RICTOR: variants seen among roughly 807,000 people sequenced by gnomAD.
The protein encoded by RICTOR is RPTOR independent companion of MTOR complex 2, also known as rapamycin-insensitive companion of mTOR.
A neutral mutation model predicts 214.9 loss-of-function variants in RICTOR; 49 were observed. That is an observed-to-expected ratio of 0.23 (90% CI 0.18 to 0.29). The LOEUF (loss-of-function observed/expected upper bound fraction) is 0.29, where lower values mean the gene tolerates loss of function less well. RICTOR is among the 10% of genes least tolerant of loss of function. The pLI is 1.00. For missense variants in RICTOR, 1,625 were observed against 2,047.0 expected (o/e 0.79, Z 3.98); for synonymous variants, 717 against 711.3 (o/e 1.01, Z -0.13).
intron 37 of RICTOR, 38 bp downstream of exon 37, chr5:38,942,795 C>T: frequency 6.8e-7 from 1 of 1,477,828 alleles, no homozygotes; most frequent in Non-Finnish European, 9.5e-7. Flanking sequence ...CAGAATTATT[C>T]TTGGAAGATA....
At chr5:39,029,305 C>T (rs138845453) in intron 2 of RICTOR, among the ~76,000 whole-genome samples, 294 of 152,074 alleles carry the variant, frequency 1.9e-3, no homozygotes, top group Middle Eastern at 0.01. Context: ...TACAAAGATA[C>T]ATAATACATA....
intron 35 of RICTOR, 64 bp from the exon 36 acceptor site, chr5:38,944,633 GAAATTTATTTTTA>G: frequency 2.2e-6 from 3 of 1,386,254 alleles, no homozygotes; most frequent in African/African-American, 1.5e-5. Context: ...TAAAACTCAT[GAAATTTATTTTTA>G]AACTTCACCT....
At chr5:38,943,808 G>A (rs181998516) in intron 36 of RICTOR, among the ~76,000 whole-genome samples, 181 of 152,122 alleles carry the variant, frequency 1.2e-3, no homozygotes, top group African/African-American at 4.1e-3. Context: ...GCAAGACTCC[G>A]TCTCAAAAAA....
intron 20 of RICTOR, 140 bp from the exon 21 acceptor site, chr5:38,960,118 T>C (rs1749664021): frequency 1.5e-6 from 1 of 687,218 alleles, no homozygotes; most frequent in Non-Finnish European, 2.6e-6. Context: ...TACCTGTTGT[T>C]TTCTAATCCA....
intron 5 of RICTOR, among the ~76,000 whole-genome samples, chr5:39,002,186 A>G (rs1753687221): frequency 7.2e-6 from 1 of 139,842 alleles, no homozygotes. Flanking sequence ...AAAAAAAAAA[A>G]AAATCAACAT....
intron 2 of RICTOR, among the ~76,000 whole-genome samples, chr5:39,024,038 G>C (rs994580652): frequency 6.6e-6 from 1 of 152,188 alleles, no homozygotes; most frequent in Non-Finnish European, 1.5e-5. Flanking sequence ...GTTTTGGGAT[G>C]AAACTGTTTC....
chr5:38,981,708 CTGAA>C (rs1444491970), intron 8 of RICTOR, 155 bp downstream of exon 8: 5 of 509,130 alleles, frequency 9.8e-6, no homozygotes, highest in Non-Finnish European at 1.7e-5. Context: ...TCAGTCCAAA[CTGAA>C]TGATCTGTAA....
At chr5:39,050,289 G>T (rs569149582) in intron 2 of RICTOR, among the ~76,000 whole-genome samples, 1 of 151,994 alleles carries the variant, frequency 6.6e-6, no homozygotes, top group Non-Finnish European at 1.5e-5. Context: ...TTTGAGCACT[G>T]ACTGAATATT....
At chr5:38,990,684 C>CAGATATATG (rs771347927) in intron 7 of RICTOR, among the ~76,000 whole-genome samples, 4,264 of 15,930 alleles carry the variant, frequency 0.27, 1,343 homozygotes, top group Non-Finnish European at 0.35. Flanking sequence ...TCAGATATAT[C>CAGATATATG]ATATATATGA....
In RICTOR at chr5:39,063,914, T is replaced by A. The variant is rs899455689; in HGVS notation, c.97+10197A>T. ...ATTAAGGTTAAAAAAACGTTTTCTG[T>A]ATTTCTTACTGACATCTTTAACAGG... On this transcript the variant is annotated intron_variant, in intron 2 of 37. Coordinates refer to ENST00000357387, the MANE Select transcript of RICTOR (RefSeq NM_152756.5). Among the ~76,000 whole-genome samples, 6 of 152,116 alleles carry A rather than the reference T, an allele frequency of 3.9e-5. No individual in the cohort carries two copies. In the East Asian group the frequency reaches 1.2e-3, roughly 29 times the overall value.
rs756541843 is a variant in RICTOR, at chr5:38,949,807, G to A, written c.4041C>T (p.His1347=). The change falls in exon 31 of 38, where the codon CAC becomes CAT. Residue 1347 remains histidine (H), a synonymous_variant. Transcript: ENST00000357387. ...TTGCTGGAGATGCCAAAGCTTCAGA[G>A]TGAGATAAGGATGGATGCATTCTTT... The part of the protein sequence containing the change: ...QQQRMHPSLS[H]SEALASPAKD... The A allele has an allele frequency of 2.5e-6, 4 of 1,613,494 alleles. No homozygotes were observed. In the South Asian group the frequency reaches 3.3e-5, roughly 13 times the overall value.
chr5:39,014,727 C>T (rs1456013837), intron 3 of RICTOR, among the ~76,000 whole-genome samples: 1 of 152,058 alleles, frequency 6.6e-6, no homozygotes, highest in Non-Finnish European at 1.5e-5. Context: ...TTACTTTATC[C>T]AGTGAGATGA....
At chr5:38,950,831 A>AC in intron 30 of RICTOR, 111 bp from the exon 31 acceptor site, 1 of 815,170 alleles carries the variant, frequency 1.2e-6, no homozygotes. Context: ...AGAGGAAAAA[A>AC]TTTAAAAATA....
At chr5:38,973,176 G>C (rs754289293) in intron 10 of RICTOR, among the ~76,000 whole-genome samples, 7 of 152,044 alleles carry the variant, frequency 4.6e-5, no homozygotes, top group Non-Finnish European at 1.0e-4. Flanking sequence ...ATATTGAAAA[G>C]GGTTTGAATT....
intron 3 of RICTOR, among the ~76,000 whole-genome samples, chr5:39,013,029 G>GA (rs1728615952): frequency 6.6e-6 from 1 of 152,152 alleles, no homozygotes; most frequent in Non-Finnish European, 1.5e-5. Context: ...AAACAGGAAT[G>GA]AAAAATAGAG....
At chr5:38,951,995 A>G (rs1748828057) in intron 30 of RICTOR, among the ~76,000 whole-genome samples, 2 of 151,962 alleles carry the variant, frequency 1.3e-5, no homozygotes, top group African/African-American at 4.8e-5. Flanking sequence ...AGCTACTTAG[A>G]ATATAAGGAG....
At chr5:38,977,159 T>G (rs1381678077) in intron 9 of RICTOR, among the ~76,000 whole-genome samples, 2 of 152,070 alleles carry the variant, frequency 1.3e-5, no homozygotes, top group Non-Finnish European at 2.9e-5. Flanking sequence ...AAGGTGAAAG[T>G]AGGCCCCAGC....
chr5:39,069,068 G>A (rs947626122), intron 2 of RICTOR, among the ~76,000 whole-genome samples: 2 of 152,134 alleles, frequency 1.3e-5, no homozygotes, highest in East Asian at 3.8e-4. Context: ...TCAGTGCCTG[G>A]CACAAAACTA....
intron 29 of RICTOR, among the ~76,000 whole-genome samples, chr5:38,952,688 G>A (rs755374620): frequency 6.6e-6 from 1 of 151,912 alleles, no homozygotes; most frequent in Non-Finnish European, 1.5e-5. Flanking sequence ...AGGTATATTA[G>A]CTTTTCTAGT....
Sources: allele counts gnomAD v4.1 joint callset (sites outside exome capture counted in the v4.1 genomes callset), GRCh38; gene constraint gnomAD v4.1.1; transcripts MANE v1.5; gene names NCBI Gene and HGNC (gene_info 2026-07-23, HGNC 2026-07-21).